CSMD1: variants seen among roughly 807,000 people sequenced by gnomAD.
The protein encoded by CSMD1 is CUB and Sushi multiple domains 1.
CSMD1 carries 213 observed loss-of-function variants against 417.5 expected under a neutral mutation model. The observed-to-expected ratio is 0.51, with a 90% CI of 0.46 to 0.57. The LOEUF (loss-of-function observed/expected upper bound fraction) is 0.57, where lower values mean the gene tolerates loss of function less well. Ranked by LOEUF, CSMD1 falls within the 20% of genes least tolerant of loss-of-function variation. The pLI is 0.00. For synonymous variants in CSMD1, 2,862 were observed against 1,736.8 expected (o/e 1.65, Z -16.11); for missense variants, 6,923 against 4,529.7 (o/e 1.53, Z -15.17).
At chr8:3,783,461 C>A (rs1799289743) in intron 5 of CSMD1, among the ~76,000 whole-genome samples, 1 of 152,156 alleles carries the variant, frequency 6.6e-6, no homozygotes, top group Non-Finnish European at 1.5e-5. Context: ...AGCACAGAAG[C>A]ATTGGCGGGC....
At chr8:3,369,516 T>C (rs1161853035) in intron 18 of CSMD1, 146 bp from the exon 19 acceptor site, 1 of 592,952 alleles carries the variant, frequency 1.7e-6, no homozygotes, top group African/African-American at 1.9e-5. Flanking sequence ...ACCTGAGCTT[T>C]ATGTTACTTG....
At position 3,142,651 on chromosome 8, in the gene CSMD1, A is replaced by G. The variant is rs1298574707; in HGVS notation, c.6055T>C (p.Phe2019Leu). The change falls in exon 41 of 70, where the codon TTT becomes CTT. Residue 2019 changes from phenylalanine (F) to leucine (L), a missense_variant. Physicochemically the swap from Phe to Leu is conservative, Grantham distance 22. Coordinates refer to ENST00000635120, the MANE Select transcript of CSMD1 (RefSeq NM_033225.6). ...AAGTCATGATTAGCTTCGGTAGAAA[A>G]ATTCAGAAACTGAATATGTGCACCT... is the stretch of plus-strand genomic sequence containing the variant. ...GYGAHIQFLN[F>L]STEANHDFLE... The G allele has an allele frequency of 4.3e-6, 7 of 1,613,802 alleles. 1 individual carries two copies. The South Asian group carries it at 7.7e-5, about 18-fold the overall frequency.
At chr8:3,785,763 G>T (rs1584995100) in intron 5 of CSMD1, among the ~76,000 whole-genome samples, 1 of 152,164 alleles carries the variant, frequency 6.6e-6, no homozygotes. Flanking sequence ...AGCCTATGGT[G>T]CCCCAGGAAC....
At chr8:3,752,872 C>A (rs541890269) in intron 6 of CSMD1, among the ~76,000 whole-genome samples, 1 of 152,028 alleles carries the variant, frequency 6.6e-6, no homozygotes, top group East Asian at 1.9e-4. Flanking sequence ...CTCTACTGGT[C>A]ATCCTGAAGG....
At chr8:4,321,784 T>A (rs1053063372) in intron 3 of CSMD1, among the ~76,000 whole-genome samples, 2 of 152,190 alleles carry the variant, frequency 1.3e-5, no homozygotes, top group African/African-American at 4.8e-5. Flanking sequence ...ATTTACAATT[T>A]TTTTTCTAAA....
chr8:4,217,004 T>C (rs1025022972), intron 3 of CSMD1, among the ~76,000 whole-genome samples: 2 of 152,182 alleles, frequency 1.3e-5, no homozygotes, highest in African/African-American at 4.8e-5. Context: ...CTAACTAGAA[T>C]TGTCTTGTGT....
chr8:4,025,402 A>G (rs1024307019), intron 4 of CSMD1, among the ~76,000 whole-genome samples: 2 of 152,230 alleles, frequency 1.3e-5, no homozygotes, highest in Non-Finnish European at 2.9e-5. Flanking sequence ...TTTATAATCT[A>G]TCCTAGGCTG....
At chr8:3,110,389 G>C (rs1816432832) in intron 42 of CSMD1, 54 bp from the exon 43 acceptor site, 3 of 1,437,368 alleles carry the variant, frequency 2.1e-6, no homozygotes, top group African/African-American at 1.4e-5. Flanking sequence ...TTAGAGAGTA[G>C]AAAGCTAAAT....
intron 8 of CSMD1, among the ~76,000 whole-genome samples, chr8:3,592,174 AGATT>A (rs1416992688): frequency 6.6e-6 from 1 of 152,176 alleles, no homozygotes; most frequent in African/African-American, 2.4e-5. Context: ...TTAGGTAGAT[AGATT>A]GACAGATGAC....
intron 10 of CSMD1, among the ~76,000 whole-genome samples, chr8:3,563,572 AC>A (rs1477366649): frequency 4.7e-5 from 7 of 150,412 alleles, no homozygotes; most frequent in African/African-American, 1.2e-4. Flanking sequence ...TCACAAAAAA[AC>A]AAAACAAAAA....
At chr8:4,771,905 T>C (rs1796618488) in intron 1 of CSMD1, among the ~76,000 whole-genome samples, 1 of 152,202 alleles carries the variant, frequency 6.6e-6, no homozygotes, top group Non-Finnish European at 1.5e-5. Flanking sequence ...CTCCAGAATC[T>C]GCCCCTCGGC....
chr8:4,963,894 C>T (rs1324984118), intron 1 of CSMD1, among the ~76,000 whole-genome samples: 3 of 152,074 alleles, frequency 2.0e-5, no homozygotes, highest in Admixed American at 6.6e-5. Context: ...TTTCCAATTC[C>T]TATCAAATAT....
chr8:3,735,414 G>A (rs565669376), intron 6 of CSMD1, among the ~76,000 whole-genome samples: 2 of 152,174 alleles, frequency 1.3e-5, no homozygotes, highest in Admixed American at 1.3e-4. Flanking sequence ...AAAATCCTTA[G>A]ATGATTCCAG....
chr8:4,322,459 A>G, intron 3 of CSMD1, among the ~76,000 whole-genome samples: 1 of 152,168 alleles, frequency 6.6e-6, no homozygotes, highest in Admixed American at 6.5e-5. Flanking sequence ...GGAAAAACCC[A>G]TAGCTCTTAG....
chr8:4,166,452 G>C (rs1797461584), intron 3 of CSMD1, among the ~76,000 whole-genome samples: 1 of 152,160 alleles, frequency 6.6e-6, no homozygotes, highest in Admixed American at 6.5e-5. Flanking sequence ...AATAACATTT[G>C]CAGCAACCTG....
chr8:4,820,361 G>A (rs1799451602), intron 1 of CSMD1, among the ~76,000 whole-genome samples: 1 of 152,246 alleles, frequency 6.6e-6, no homozygotes, highest in South Asian at 2.1e-4. Flanking sequence ...TGACTCATAT[G>A]CACTTCTATG....
chr8:4,371,479 T>G (rs1183391916), intron 3 of CSMD1, among the ~76,000 whole-genome samples: 1 of 152,198 alleles, frequency 6.6e-6, no homozygotes, highest in African/African-American at 2.4e-5. Flanking sequence ...GAAAATATAA[T>G]AAACCTAAGG....
intron 12 of CSMD1, among the ~76,000 whole-genome samples, chr8:3,468,301 A>C (rs2117185286): frequency 6.6e-6 from 1 of 152,318 alleles, no homozygotes; most frequent in East Asian, 1.9e-4. Context: ...CATTTCAAAT[A>C]TTTGAATTTG....
At chr8:3,066,088 G>C (rs1226672022) in intron 49 of CSMD1, among the ~76,000 whole-genome samples, 1 of 152,154 alleles carries the variant, frequency 6.6e-6, no homozygotes, top group Non-Finnish European at 1.5e-5. Context: ...GGCAATTAGA[G>C]AAATTGCCAA....
Sources: gnomAD v4.1 joint callset for allele counts (sites outside exome capture counted in the v4.1 genomes callset) on GRCh38, gnomAD v4.1.1 for gene constraint, MANE v1.5 for transcripts, NCBI Gene and HGNC (gene_info 2026-07-23, HGNC 2026-07-21) for gene names.